Variants in INTS7 observed in about 807,000 individuals in gnomAD.
INTS7 encodes integrator complex subunit 7, also known as chromosome 1 open reading frame 73.
INTS7 carries 46 observed loss-of-function variants against 109.2 expected under a neutral mutation model. The observed-to-expected ratio is 0.42, with a 90% CI of 0.33 to 0.54. The LOEUF is 0.54. INTS7 is among the 20% of genes least tolerant of loss of function. INTS7 has a pLI of 0.07. For missense variants in INTS7, 929 were observed against 1,132.4 expected (o/e 0.82, Z 2.58); for synonymous variants, 412 against 402.9 (o/e 1.02, Z -0.27).
At position 211,941,923 on chromosome 1, in the gene INTS7, G is replaced by T. The variant is rs867284870; in HGVS notation, c.2790C>A (p.Ser930=). ...TTTGCTGGGAATAAGGGTCTTCCAG[G>T]GATTTTACAAATATGGTAGTTCTGG... ...TGPRTTIFVK[S]LEDPYSQQIR... The change falls in exon 20 of 20, where the codon TCC becomes TCA. Residue 930 remains serine (S), a synonymous_variant. Transcript: ENST00000366994. 1 of 1,614,086 alleles carries T rather than the reference G, an allele frequency of 6.2e-7. No individual in the cohort carries two copies. Among genetic ancestry groups the T allele is most frequent in the Non-Finnish European group, 8.5e-7 (1 of 1,180,016 alleles).
At chr1:212,025,919 G>A (rs1384108931) in intron 1 of INTS7, among the ~76,000 whole-genome samples, 1 of 152,140 alleles carries the variant, frequency 6.6e-6, no homozygotes, top group Non-Finnish European at 1.5e-5. Context: ...ACTTTGGGAG[G>A]CCGAGGCTGG....
At chr1:211,994,987 A>G (rs1032919413) in intron 7 of INTS7, among the ~76,000 whole-genome samples, 2 of 152,064 alleles carry the variant, frequency 1.3e-5, no homozygotes, top group African/African-American at 4.8e-5. Context: ...ACTTCATAGT[A>G]TTAAAAAAAA....
intron 15 of INTS7, among the ~76,000 whole-genome samples, chr1:211,967,030 G>A (rs907285074): frequency 2.0e-5 from 3 of 151,990 alleles, no homozygotes; most frequent in East Asian, 1.9e-4. Context: ...GCATTCACTG[G>A]GTTTCAATCA....
chr1:212,027,721 T>G (rs1666989811), intron 1 of INTS7, among the ~76,000 whole-genome samples: 1 of 152,270 alleles, frequency 6.6e-6, no homozygotes, highest in Non-Finnish European at 1.5e-5. Context: ...CAATATCTGC[T>G]AAGTTTTTGA....
At position 211,952,584 on chromosome 1, in the gene INTS7, G is replaced by A. The variant is rs1490379715; in HGVS notation, c.2301C>T (p.Thr767=). 3.1e-6 allele frequency: 5 copies of A among 1,611,818 alleles called. No individual in the cohort carries two copies. The African/African-American group carries it at 4.0e-5, about 13-fold the overall frequency. Reference sequence around the variant, plus strand: ...TGCCACTTGCCATATAAGAAACAGGGGTATATTTCCGATTGAGTGATTCTA... The same window carrying A: ...TGCCACTTGCCATATAAGAAACAGGAGTATATTTCCGATTGAGTGATTCTA... ...EEVESLNRKY[T]PVSYMHTACL... is the part of the protein sequence containing the mutation. The change falls in exon 17 of 20, where the codon ACC becomes ACT. Residue 767 remains threonine, a synonymous_variant. Coordinates refer to ENST00000366994, the MANE Select transcript of INTS7 (RefSeq NM_015434.4).
chr1:212,001,274 T>C (rs1197570210), intron 7 of INTS7, among the ~76,000 whole-genome samples: 1 of 151,894 alleles, frequency 6.6e-6, no homozygotes. Context: ...TCCATGTTTG[T>C]CAGCCTGGTC....
chr1:212,033,560 A>C (rs574811709), intron 1 of INTS7, among the ~76,000 whole-genome samples: 1 of 152,294 alleles, frequency 6.6e-6, no homozygotes, highest in East Asian at 1.9e-4. Context: ...TTTTTCTTAC[A>C]ACTGCAAAAT....
intron 1 of INTS7, among the ~76,000 whole-genome samples, chr1:212,023,105 A>T (rs1161046174): frequency 1.3e-5 from 2 of 152,198 alleles, no homozygotes; most frequent in African/African-American, 4.8e-5. Flanking sequence ...ATGGCTGCAT[A>T]GTATTCCATG....
intron 13 of INTS7, among the ~76,000 whole-genome samples, chr1:211,972,719 G>A (rs969885681): frequency 1.3e-5 from 2 of 152,132 alleles, no homozygotes; most frequent in African/African-American, 2.4e-5. Flanking sequence ...TGAGTGAATC[G>A]GATCTAATCA....
Position 211,975,392 on chromosome 1 carries a change from A to C in INTS7, c.1609-20T>G, listed in dbSNP as rs1318814676. 6.3e-7 allele frequency: 1 copy of C among 1,592,504 alleles called. No homozygotes were observed. Among genetic ancestry groups the C allele is most frequent in the Non-Finnish European group, 8.6e-7 (1 of 1,162,096 alleles). On this transcript the variant is annotated intron_variant, in intron 12 of 19. Transcript: ENST00000366994. ...ATTACCCTAAAAACAAAAAAAGAAA[A>C]GAAAAAAGAATAGAAGGAGCACACG...
chr1:212,011,576 G>GT (rs1427475113), intron 4 of INTS7, 155 bp from the exon 5 acceptor site: 2 of 595,864 alleles, frequency 3.4e-6, no homozygotes, highest in East Asian at 5.7e-5. Context: ...AGGGGAGGTG[G>GT]TAAGAAACAC....
chr1:211,979,374 C>T (rs941683588), intron 10 of INTS7, among the ~76,000 whole-genome samples: 1 of 152,168 alleles, frequency 6.6e-6, no homozygotes, highest in Non-Finnish European at 1.5e-5. Context: ...CAGCTTGCCC[C>T]TTATTAGCTA....
At position 212,021,214 on chromosome 1, in the gene INTS7, T is replaced by A; in HGVS notation, c.95-2A>T. The A allele has an allele frequency of 1.9e-6, 3 of 1,584,656 alleles. No homozygotes were observed. Among genetic ancestry groups the A allele is most frequent in the Admixed American group, 1.9e-5 (1 of 51,870 alleles). ...CACCAAGTTTGCCAGATCTTAGGCC[T>A]ATGGAAAAAAAAAAGCACAGAGAGG... On this transcript the variant is annotated splice_acceptor_variant, in intron 1 of 19. Transcript: ENST00000366994. LOFTEE classifies it high-confidence loss of function.
chr1:211,941,257 A>G lies in INTS7; in HGVS notation c.*567T>C, dbSNP rs374217001. The G allele has an allele frequency of 6.5e-6, 1 of 152,826 alleles. No individual in the cohort carries two copies. Among genetic ancestry groups the G allele is most frequent in the African/African-American group, 2.4e-5 (1 of 41,466 alleles). The allele number at this position is 152,826 out of a possible 1,614,324, so 9.5% of individuals were successfully genotyped here. A position where few individuals can be genotyped will look rare whatever the true frequency, so the allele number is the denominator to read the frequency against. On this transcript the variant is annotated 3_prime_UTR_variant, in exon 20 of 20. Transcript: ENST00000366994. ...AATTTACCAATTCAGTGATCTCAACATGTGACTATTCTTGAAAGAAAAAAA... is the reference window on the plus strand; with the variant it reads ...AATTTACCAATTCAGTGATCTCAACGTGTGACTATTCTTGAAAGAAAAAAA...
chr1:211,948,478 C>T (rs17018263), intron 17 of INTS7, among the ~76,000 whole-genome samples: 4,982 of 152,320 alleles, frequency 0.033, 270 homozygotes, highest in African/African-American at 0.11. Context: ...CAGAGGACCA[C>T]AAGGGACTTC....
rs181023283 is a variant in INTS7 at position 212,033,876 on chromosome 1, A to G, written c.94+1468T>C. On this transcript the variant is annotated intron_variant, in intron 1 of 19. Transcript: ENST00000366994. ...GGCGGACGGATCACCTGAGGTCAGG[A>G]GTTGGAGACCAGCCTGGCCAACATG... Among the ~76,000 whole-genome samples, 580 of 152,200 alleles carry G rather than the reference A, an allele frequency of 3.8e-3. 7 individuals carry two copies. Among genetic ancestry groups the G allele is most frequent in the Non-Finnish European group, 5.3e-3 (358 of 68,012 alleles).
At chr1:211,985,982 A>T (rs1248565817) in intron 8 of INTS7, among the ~76,000 whole-genome samples, 1 of 152,236 alleles carries the variant, frequency 6.6e-6, no homozygotes, top group African/African-American at 2.4e-5. Flanking sequence ...AGGCTGTGAT[A>T]ATTTCTCACA....
chr1:212,020,844 T>C (rs180727451), intron 2 of INTS7: 1 of 628,600 alleles, frequency 1.6e-6, no homozygotes, highest in Non-Finnish European at 2.2e-6. Context: ...CAGTAAAATA[T>C]TAAGGTTGTC....
chr1:212,004,559 T>C (rs1665820875), intron 7 of INTS7, among the ~76,000 whole-genome samples: 1 of 152,206 alleles, frequency 6.6e-6, no homozygotes, highest in African/African-American at 2.4e-5. Flanking sequence ...AACATGTTCA[T>C]GCACTGGAAG....
Sources: gnomAD v4.1 joint callset for allele counts (sites outside exome capture counted in the v4.1 genomes callset) on GRCh38, gnomAD v4.1.1 for gene constraint, MANE v1.5 for transcripts, NCBI Gene and HGNC (gene_info 2026-07-23, HGNC 2026-07-21) for gene names.